Variants in KLF13 observed in about 807,000 individuals in gnomAD.
The protein encoded by KLF13 is Krueppel-like factor 13.
KLF13 carries 8 observed loss-of-function variants against 16.7 expected under a neutral mutation model. The ratio of observed to expected loss-of-function variants is 0.48; its 90% CI spans 0.28 to 0.87. KLF13 has a LOEUF of 0.87. Ranked by LOEUF, KLF13 falls within the 40% of genes least tolerant of loss-of-function variation. KLF13 has a pLI of 0.10. For synonymous variants in KLF13, 245 were observed against 208.4 expected, an observed-to-expected ratio of 1.18 and a Z score of -1.51; for missense variants, 447 against 452.2, an observed-to-expected ratio of 0.99 and a Z score of 0.10.
chr15:31,335,467 G>T (rs2038914201), intron 1 of KLF13, among the ~76,000 whole-genome samples: 1 of 96,400 alleles, frequency 1.0e-5, no homozygotes, highest in Non-Finnish European at 2.2e-5. Flanking sequence ...GTGTGTGTGT[G>T]TGTGTGTGTA....
intron 1 of KLF13, among the ~76,000 whole-genome samples, chr15:31,362,174 C>T (rs2039400514): frequency 6.6e-6 from 1 of 152,202 alleles, no homozygotes; most frequent in Non-Finnish European, 1.5e-5. Context: ...AATTACAACT[C>T]TGGAACTGCT....
At chr15:31,410,605 AC>A (rs2141000786) in intron 1 of KLF13, among the ~76,000 whole-genome samples, 1 of 151,366 alleles carries the variant, frequency 6.6e-6, no homozygotes, top group South Asian at 2.1e-4. Flanking sequence ...ACACACACAC[AC>A]ACACACACAC....
intron 1 of KLF13, among the ~76,000 whole-genome samples, chr15:31,425,150 T>C (rs1194268293): frequency 1.3e-5 from 2 of 152,144 alleles, no homozygotes; most frequent in Non-Finnish European, 2.9e-5. Context: ...TATAAATGCA[T>C]GTAAAGATAT....
intron 1 of KLF13, among the ~76,000 whole-genome samples, chr15:31,411,341 C>T (rs549225369): frequency 6.6e-6 from 1 of 151,866 alleles, no homozygotes; most frequent in Non-Finnish European, 1.5e-5. Context: ...GAATGCAAGG[C>T]TCAATCAACA....
At chr15:31,399,638 C>T (rs1191869318) in intron 2 of KLF13, among the ~76,000 whole-genome samples, 1 of 152,362 alleles carries the variant, frequency 6.6e-6, no homozygotes, top group Non-Finnish European at 1.5e-5. Flanking sequence ...CCTGCACTAA[C>T]CTCCGCCTCG....
At chr15:31,335,342 C>T (rs1024343666) in intron 1 of KLF13, among the ~76,000 whole-genome samples, 16 of 151,880 alleles carry the variant, frequency 1.1e-4, no homozygotes, top group African/African-American at 3.1e-4. Flanking sequence ...GCAGAGTGAC[C>T]GGCTCCTGTG....
At chr15:31,352,434 C>G (rs2039231379) in intron 1 of KLF13, among the ~76,000 whole-genome samples, 1 of 152,268 alleles carries the variant, frequency 6.6e-6, no homozygotes, top group Non-Finnish European at 1.5e-5. Flanking sequence ...GTGAGCTCTG[C>G]CTGGCCCAGG....
At chr15:31,353,847 G>A (rs567809904) in intron 1 of KLF13, among the ~76,000 whole-genome samples, 3 of 152,094 alleles carry the variant, frequency 2.0e-5, no homozygotes, top group Non-Finnish European at 4.4e-5. Context: ...TATACTGCAG[G>A]CATGGGCCTC....
intron 1 of KLF13, among the ~76,000 whole-genome samples, chr15:31,339,380 T>C (rs1452196369): frequency 6.6e-6 from 1 of 152,202 alleles, no homozygotes; most frequent in Non-Finnish European, 1.5e-5. Flanking sequence ...GACTTTTCTT[T>C]TAGACGGTGG....
Position 31,327,717 on chromosome 15 carries a change from T to C in KLF13, c.505T>C (p.Cys169Arg). The change falls in exon 1 of 2, where the codon TGC (cysteine) becomes CGC (arginine). Residue 169 changes from cysteine (C) to arginine (R), a missense_variant. By Grantham distance (180) the Cys-to-Arg change is radical (BLOSUM62 -3). Transcript: ENST00000307145. Reference sequence around the variant, plus strand: ...CGAGTCCCCGCAGAGGAAGCACAAGTGCCACTACGCGGGCTGCGAGAAAGT... The same window carrying C: ...CGAGTCCCCGCAGAGGAAGCACAAGCGCCACTACGCGGGCTGCGAGAAAGT... Reference protein sequence around the residue: ...DLESPQRKHKCHYAGCEKVYG... With the variant: ...DLESPQRKHKRHYAGCEKVYG... The C allele has an allele frequency of 6.5e-7, 1 of 1,538,170 alleles. No homozygotes were observed. The highest frequency in any genetic ancestry group is 1.2e-5 in the South Asian group (1 of 86,488).
chr15:31,433,160 G>A (rs1425247804), intron 1 of KLF13, among the ~76,000 whole-genome samples: 1 of 152,200 alleles, frequency 6.6e-6, no homozygotes, highest in Admixed American at 6.5e-5. Flanking sequence ...TTTGTTAGGT[G>A]GGCGTGGAGC....
chr15:31,390,328 T>G (rs1012256487), upstream of KLF13, among the ~76,000 whole-genome samples: 1 of 152,218 alleles, frequency 6.6e-6, no homozygotes, highest in African/African-American at 2.4e-5. Flanking sequence ...AAAGGATGCA[T>G]GGGACGATGG....
intron 2 of KLF13, among the ~76,000 whole-genome samples, chr15:31,398,383 C>G (rs1231917736): frequency 6.6e-6 from 1 of 152,176 alleles, no homozygotes; most frequent in Non-Finnish European, 1.5e-5. Flanking sequence ...GCTGCCAAAC[C>G]AAAACAGCTG....
intron 2 of KLF13, chr15:31,403,310 A>T (rs2040068160): frequency 6.6e-6 from 1 of 152,196 alleles, no homozygotes; most frequent in Admixed American, 6.5e-5. Flanking sequence ...TGACTCCAGA[A>T]TTCTTGTCTC....
At chr15:31,342,728 T>C (rs948871804) in intron 1 of KLF13, among the ~76,000 whole-genome samples, 2 of 152,254 alleles carry the variant, frequency 1.3e-5, no homozygotes, top group African/African-American at 2.4e-5. Context: ...CTTTCTTTTT[T>C]GGGGCAGCAG....
exon 3 of KLF13, chr15:31,404,548 A>G (rs1052063619): frequency 2.6e-5 from 4 of 152,160 alleles, no homozygotes; most frequent in Non-Finnish European, 5.9e-5. Flanking sequence ...TGCTCTGTAA[A>G]ATGGACCAAT....
chr15:31,328,799 C>G (rs914750260), intron 1 of KLF13, among the ~76,000 whole-genome samples: 4 of 152,186 alleles, frequency 2.6e-5, no homozygotes, highest in Non-Finnish European at 5.9e-5. Context: ...GACGGCAATC[C>G]TTCCCCATTT....
chr15:31,428,231 G>T (rs35319141), intron 1 of KLF13, among the ~76,000 whole-genome samples: 8,190 of 152,184 alleles, frequency 0.054, 305 homozygotes, highest in Non-Finnish European at 0.08. Context: ...GATCATTGTT[G>T]TTCAGTGGGT....
At chr15:31,429,883 G>A (rs559686926) in intron 1 of KLF13, among the ~76,000 whole-genome samples, 97 of 152,096 alleles carry the variant, frequency 6.4e-4, no homozygotes, top group African/African-American at 2.2e-3. Flanking sequence ...GCAGGCACCC[G>A]CCACTATGCC....
Sources: allele counts gnomAD v4.1 joint callset (sites outside exome capture counted in the v4.1 genomes callset), GRCh38; gene constraint gnomAD v4.1.1; transcripts MANE v1.5; gene names NCBI Gene and HGNC (gene_info 2026-07-23, HGNC 2026-07-21).